The following GALNT8 variants were observed in gnomAD, a reference collection of about 807,000 sequenced individuals.
GALNT8 encodes probable polypeptide N-acetylgalactosaminyltransferase 8.
Under a neutral mutation model 62.7 loss-of-function variants are expected in GALNT8, and 66 were observed. The ratio of observed to expected loss-of-function variants is 1.05; its 90% CI spans 0.86 to 1.29. The LOEUF is 1.29. Among genes scored for constraint, GALNT8 ranks in the 50% most tolerant of loss-of-function variants. GALNT8 has a pLI of 0.00. For synonymous variants in GALNT8, 288 were observed against 294.3 expected, an observed-to-expected ratio of 0.98 and a Z score of 0.22; for missense variants, 771 against 791.8, an observed-to-expected ratio of 0.97 and a Z score of 0.32.
intron 2 of GALNT8, among the ~76,000 whole-genome samples, chr12:4,727,032 G>A (rs1946199668): frequency 6.6e-6 from 1 of 152,164 alleles, no homozygotes; most frequent in African/African-American, 2.4e-5. Flanking sequence ...AGACCCTTGG[G>A]AAAGAACAGA....
chr12:4,759,551 C>CA (rs1555070327), intron 6 of GALNT8, among the ~76,000 whole-genome samples: 2 of 144,432 alleles, frequency 1.4e-5, no homozygotes, highest in Non-Finnish European at 3.1e-5. Flanking sequence ...GCTTTTTTTT[C>CA]TTTTTTTTTT....
At chr12:4,767,196 G>T (rs147808353) in intron 10 of GALNT8, among the ~76,000 whole-genome samples, 1 of 152,118 alleles carries the variant, frequency 6.6e-6, no homozygotes, top group Non-Finnish European at 1.5e-5. Context: ...CAGAGGAGTC[G>T]GTTGGGTGGT....
At chr12:4,764,975 G>A (rs1478345310) in intron 9 of GALNT8, among the ~76,000 whole-genome samples, 1 of 151,952 alleles carries the variant, frequency 6.6e-6, no homozygotes, top group African/African-American at 2.4e-5. Context: ...TGAAAAAATG[G>A]AGACACATTA....
chr12:4,746,310 G>T lies in GALNT8; in HGVS notation c.1173+52G>T, dbSNP rs772072848. 5 of 1,010,784 alleles carry T rather than the reference G, an allele frequency of 4.9e-6. No homozygotes were observed. The East Asian group carries it at 1.2e-4, about 24-fold the overall frequency. The allele number at this position is 1,010,784 out of a possible 1,614,324, so 62.6% of individuals were successfully genotyped here. A position where few individuals can be genotyped will look rare whatever the true frequency, so the allele number is the denominator to read the frequency against. ...GGACAAAGCAGAAAGGGGAATAATA[G>T]AAAGGTAGTAGGACCCCTGGAATCC... On this transcript the variant is annotated intron_variant, in intron 6 of 10. Transcript: ENST00000252318.
At chr12:4,727,479 A>G (rs1946201650) in intron 2 of GALNT8, among the ~76,000 whole-genome samples, 1 of 152,230 alleles carries the variant, frequency 6.6e-6, no homozygotes, top group African/African-American at 2.4e-5. Flanking sequence ...CATCACTTTA[A>G]AAAGAAACGG....
chr12:4,755,543 A>C (rs1329304738), intron 6 of GALNT8, among the ~76,000 whole-genome samples: 1 of 152,194 alleles, frequency 6.6e-6, no homozygotes, highest in African/African-American at 2.4e-5. Context: ...TATGAAGTTA[A>C]AATATGAGTA....
chr12:4,764,907 A>C (rs970240153), intron 9 of GALNT8, among the ~76,000 whole-genome samples: 1 of 149,308 alleles, frequency 6.7e-6, no homozygotes, highest in Non-Finnish European at 1.5e-5. Flanking sequence ...CTTACTTTGC[A>C]TGCTGCCCTC....
chr12:4,722,292 A>T (rs562248938), intron 1 of GALNT8, among the ~76,000 whole-genome samples: 2 of 152,240 alleles, frequency 1.3e-5, no homozygotes, highest in Admixed American at 6.5e-5. Flanking sequence ...TCATGAACTA[A>T]TGAGGGCTTT....
In GALNT8 at chr12:4,720,605, G is replaced by A. The variant is rs1040191871; in HGVS notation, c.-73G>A. Reference sequence around the variant, plus strand: ...CTCTCTTTCCCACAAAAGCTAGGCTGGTTCTGATTCTTAACCTGCTCCAGC... The same window carrying A: ...CTCTCTTTCCCACAAAAGCTAGGCTAGTTCTGATTCTTAACCTGCTCCAGC... On this transcript the variant is annotated 5_prime_UTR_variant, in exon 1 of 11. An upstream open reading frame in the 5' UTR gains an earlier in-frame stop. Transcript: ENST00000252318. 6 of 981,258 alleles carry A rather than the reference G, an allele frequency of 6.1e-6. No individual in the cohort carries two copies. Among genetic ancestry groups the A allele is most frequent in the Non-Finnish European group, 9.9e-6 (6 of 605,130 alleles). 60.8% of individuals were successfully genotyped at this position (981,258 alleles called of 1,614,324 possible). A position where few individuals can be genotyped will look rare whatever the true frequency, so the allele number is the denominator to read the frequency against.
chr12:4,731,002 C>A (rs1449848978), intron 2 of GALNT8, among the ~76,000 whole-genome samples: 1 of 151,944 alleles, frequency 6.6e-6, no homozygotes, highest in Non-Finnish European at 1.5e-5. Context: ...GCGCCCACCA[C>A]CACGCCCAGC....
chr12:4,722,408 A>T (rs1426452352), intron 1 of GALNT8, among the ~76,000 whole-genome samples: 1 of 152,222 alleles, frequency 6.6e-6, no homozygotes, highest in Non-Finnish European at 1.5e-5. Flanking sequence ...AATGGAGATG[A>T]TGATAACAAT....
At chr12:4,744,418 C>T in intron 3 of GALNT8, 99 bp from the exon 4 acceptor site, 1 of 769,134 alleles carries the variant, frequency 1.3e-6, no homozygotes, top group Non-Finnish European at 2.1e-6. Flanking sequence ...CCATTTTATG[C>T]TGGAGGTAGT....
chr12:4,723,614 T>G (rs3782741), intron 1 of GALNT8, among the ~76,000 whole-genome samples: 1 of 151,934 alleles, frequency 6.6e-6, no homozygotes, highest in Non-Finnish European at 1.5e-5. Context: ...CTCTTTCCTT[T>G]TTTGCAAAGA....
At chr12:4,765,348 TCTG>T in intron 9 of GALNT8, 28 bp from the exon 10 acceptor site, 1 of 1,443,056 alleles carries the variant, frequency 6.9e-7, no homozygotes. Context: ...TGGTGAGCCC[TCTG>T]CTTTTTTTTT....
intron 10 of GALNT8, among the ~76,000 whole-genome samples, chr12:4,770,204 A>G (rs990163726): frequency 4.6e-5 from 7 of 151,920 alleles, no homozygotes; most frequent in Non-Finnish European, 8.8e-5. Context: ...TGGGAGGCTG[A>G]GGCAGGAGAA....
intron 6 of GALNT8, among the ~76,000 whole-genome samples, chr12:4,755,814 A>T (rs1167932487): frequency 1.3e-5 from 2 of 152,218 alleles, no homozygotes; most frequent in African/African-American, 4.8e-5. Context: ...TCACGCAATA[A>T]ATCAACCCAA....
chr12:4,756,958 T>A (rs1946347882), intron 6 of GALNT8, among the ~76,000 whole-genome samples: 1 of 152,212 alleles, frequency 6.6e-6, no homozygotes, highest in Non-Finnish European at 1.5e-5. Context: ...TGGAGGTCAT[T>A]GGATCATGTC....
At chr12:4,740,981 T>C (rs1231157931) in intron 3 of GALNT8, among the ~76,000 whole-genome samples, 1 of 152,222 alleles carries the variant, frequency 6.6e-6, no homozygotes, top group Non-Finnish European at 1.5e-5. Context: ...TTGTTGGCTC[T>C]TAGTTTTATT....
intron 2 of GALNT8, among the ~76,000 whole-genome samples, chr12:4,727,838 G>T (rs1267419497): frequency 6.6e-6 from 1 of 152,112 alleles, no homozygotes; most frequent in Non-Finnish European, 1.5e-5. Context: ...TCATGTATAA[G>T]TTTTTGTGTG....
Sources: allele counts gnomAD v4.1 joint callset (sites outside exome capture counted in the v4.1 genomes callset), GRCh38; gene constraint gnomAD v4.1.1; transcripts MANE v1.5; gene names NCBI Gene and HGNC (gene_info 2026-07-23, HGNC 2026-07-21).